PHKA2: variants seen among roughly 807,000 people sequenced by gnomAD.
The protein encoded by PHKA2 is phosphorylase kinase regulatory subunit alpha 2, also known as phosphorylase b kinase regulatory subunit alpha, liver isoform.
Under a neutral mutation model 102.0 loss-of-function variants are expected in PHKA2, and 31 were observed. The observed-to-expected ratio is 0.30, with a 90% CI of 0.23 to 0.41. PHKA2 has a LOEUF of 0.41. Among genes scored for constraint, PHKA2 ranks in the 10% least tolerant of loss-of-function variants. PHKA2 has a pLI of 1.00. For missense variants in PHKA2, 858 were observed against 1,023.1 expected (o/e 0.84, Z 2.20); for synonymous variants, 455 against 416.2 (o/e 1.09, Z -1.13).
chrX:18,892,495 T>C lies in PHKA2; in HGVS notation c.*990A>G, dbSNP rs1246617594. The C allele has an allele frequency of 8.9e-6, 1 of 111,904 alleles. No individual in the cohort carries two copies. Among genetic ancestry groups the C allele is most frequent in the Non-Finnish European group, 1.9e-5 (1 of 53,172 alleles). 9.2% of individuals were successfully genotyped at this position (111,904 alleles called of 1,213,427 possible). On this transcript the variant is annotated 3_prime_UTR_variant, in exon 33 of 33. Coordinates refer to ENST00000379942, the MANE Select transcript of PHKA2 (RefSeq NM_000292.3). ...CTCCAACTGCACCCACCCAAGAGAGTGAAGACCAAAGTGCTTCTACCAAGA... is the reference window on the plus strand; with the variant it reads ...CTCCAACTGCACCCACCCAAGAGAGCGAAGACCAAAGTGCTTCTACCAAGA...
chrX:18,897,287 G>A lies in PHKA2; in HGVS notation c.3158C>T (p.Ser1053Leu), dbSNP rs751392288. 8 of 1,210,750 alleles carry A rather than the reference G, an allele frequency of 6.6e-6. No homozygotes were observed. In the Admixed American group the frequency reaches 1.7e-4, roughly 26 times the overall value. Residue 1053 changes from serine to leucine, a missense_variant, in exon 30 of 33, where the codon TCG (serine) becomes TTG (leucine). By Grantham distance (145) the Ser-to-Leu change is moderately radical (BLOSUM62 -2). Around this residue, in one of 2 missense-constraint regions of PHKA2, gnomAD observed 671 missense variants for 745.2 expected, o/e 0.90. Coordinates refer to ENST00000379942, the MANE Select transcript of PHKA2 (RefSeq NM_000292.3). ...ACCCCAGCCGATGTGATGTCCTCCCGAGTCTGAGGATGACGTGCCAGTGGG... is the reference window on the plus strand; with the variant it reads ...ACCCCAGCCGATGTGATGTCCTCCCAAGTCTGAGGATGACGTGCCAGTGGG... ...SSPTGTSSSD[S>L]GGHHIGWGER...
At chrX:18,943,895 A>G (rs2048535601) in intron 6 of PHKA2, 87 bp from the exon 7 acceptor site, 2 of 654,920 alleles carry the variant, frequency 3.1e-6, no homozygotes, top group African/African-American at 4.3e-5. Flanking sequence ...GCAATCTAGT[A>G]TACATGTTTT....
chrX:18,973,460 C>T (rs766007514), intron 1 of PHKA2, among the ~76,000 whole-genome samples: 2 of 111,649 alleles, frequency 1.8e-5, no homozygotes, highest in African/African-American at 3.3e-5. Context: ...GGGGGATAAA[C>T]CACACCTGAT....
chrX:18,918,731 G>A lies in PHKA2; in HGVS notation c.2087C>T (p.Thr696Met), dbSNP rs759326764. 2.5e-6 allele frequency: 3 copies of A among 1,208,871 alleles called. No individual in the cohort carries two copies. The highest frequency in any genetic ancestry group is 3.5e-5 in the South Asian group (2 of 56,816). The change falls in exon 19 of 33, where the codon ACG becomes ATG. Residue 696 changes from threonine (T) to methionine (M), a missense_variant. By Grantham distance (81) the Thr-to-Met change is moderately conservative. This residue lies in a region of PHKA2 where 671 missense variants were observed against 745.2 expected (regional missense o/e 0.90). Coordinates refer to ENST00000379942, the MANE Select transcript of PHKA2 (RefSeq NM_000292.3). ...TGCCATCACAGAAAGTATGTCCCGC[G>A]TGGAGTGGATAGCACTGAAGACATG... Reference protein sequence around the residue: ...DRHVFSAIHSTRDILSVMAKA... With the variant: ...DRHVFSAIHSMRDILSVMAKA...
intron 1 of PHKA2, among the ~76,000 whole-genome samples, chrX:18,975,135 T>C (rs767101500): frequency 2.2e-3 from 243 of 111,575 alleles, no homozygotes; most frequent in Non-Finnish European, 4.1e-3. Flanking sequence ...TCATTTCTAC[T>C]TGGATACTGA....
At chrX:18,920,775 T>C (rs1316238002) in intron 17 of PHKA2, among the ~76,000 whole-genome samples, 7 of 111,844 alleles carry the variant, frequency 6.3e-5, no homozygotes, top group Admixed American at 1.9e-4. Flanking sequence ...CACTGAAACC[T>C]GGACGCTGGG....
rs771329811 is a variant in PHKA2, at chrX:18,893,342, A to G, written c.*143T>C. ...TTTAACATACATCAGTTTCAGGGTG[A>G]GTGCTACCATTGCCCCCCGAGAGTG... is the stretch of plus-strand genomic sequence containing the variant. On this transcript the variant is annotated 3_prime_UTR_variant, in exon 33 of 33. Coordinates refer to ENST00000379942, the MANE Select transcript of PHKA2 (RefSeq NM_000292.3). The G allele has an allele frequency of 1.5e-5, 9 of 592,273 alleles. No individual in the cohort carries two copies. In the South Asian group the frequency reaches 1.9e-4, roughly 12 times the overall value. The allele number at this position is 592,273 out of a possible 1,213,427, so 48.8% of individuals were successfully genotyped here.
intron 1 of PHKA2, among the ~76,000 whole-genome samples, chrX:18,977,629 CCT>C (rs926342688): frequency 9.0e-6 from 1 of 110,773 alleles, no homozygotes; most frequent in African/African-American, 3.3e-5. Flanking sequence ...GTGAATTAGC[CCT>C]CTGTCATCTA....
intron 19 of PHKA2, among the ~76,000 whole-genome samples, chrX:18,913,357 T>C (rs1045215771): frequency 1.8e-5 from 2 of 112,152 alleles, no homozygotes; most frequent in African/African-American, 6.5e-5. Flanking sequence ...AATCTGACTT[T>C]TGTAATAACA....
intron 1 of PHKA2, among the ~76,000 whole-genome samples, chrX:18,970,498 C>T (rs1054979588): frequency 8.9e-6 from 1 of 112,214 alleles, no homozygotes; most frequent in Non-Finnish European, 1.9e-5. Context: ...ATTTTAATGG[C>T]TATATAGTAT....
At chrX:18,898,786 C>T (rs1422011966) in intron 29 of PHKA2, among the ~76,000 whole-genome samples, 2 of 112,277 alleles carry the variant, frequency 1.8e-5, no homozygotes, top group Admixed American at 9.4e-5. Context: ...GAGCCCTGCA[C>T]GAGATCTGGG....
chrX:18,908,304 G>C (rs1328706215), intron 21 of PHKA2, among the ~76,000 whole-genome samples: 1 of 112,644 alleles, frequency 8.9e-6, no homozygotes, highest in African/African-American at 3.2e-5. Flanking sequence ...CAGAGAAGGG[G>C]ATGGAAGTCT....
At chrX:18,958,767 T>C (rs1002181316) in intron 1 of PHKA2, among the ~76,000 whole-genome samples, 2 of 110,057 alleles carry the variant, frequency 1.8e-5, no homozygotes, top group Admixed American at 9.7e-5. Context: ...TGGAGTGCAG[T>C]GGTGCAATCT....
At chrX:18,922,340 C>T (rs1324262360) in intron 17 of PHKA2, among the ~76,000 whole-genome samples, 2 of 112,095 alleles carry the variant, frequency 1.8e-5, no homozygotes, top group Non-Finnish European at 3.8e-5. Context: ...GTAACTGAAG[C>T]AAATTGGAGG....
chrX:18,943,395 T>C (rs999991874), intron 7 of PHKA2, among the ~76,000 whole-genome samples: 4 of 112,346 alleles, frequency 3.6e-5, no homozygotes, highest in African/African-American at 1.3e-4. Context: ...AAACCATCTA[T>C]GTGCTCAAAA....
chrX:18,894,107 AT>A, intron 32 of PHKA2, 96 bp downstream of exon 32: 1 of 818,337 alleles, frequency 1.2e-6, no homozygotes, highest in East Asian at 3.3e-5. Flanking sequence ...CTGTGATGAC[AT>A]TTTCTTGGTT....
intron 1 of PHKA2, among the ~76,000 whole-genome samples, chrX:18,971,851 C>A (rs968003934): frequency 8.9e-6 from 1 of 112,638 alleles, no homozygotes; most frequent in Admixed American, 9.4e-5. Flanking sequence ...TTGGCCAGGG[C>A]TGCAGTCATC....
At chrX:18,906,657 G>A (rs781072498) in intron 24 of PHKA2, 33 bp from the exon 25 acceptor site, 2 of 1,190,528 alleles carry the variant, frequency 1.7e-6, no homozygotes, top group East Asian at 3.0e-5. Flanking sequence ...TAGGGTTTCA[G>A]AGACAGGGTG....
chrX:18,896,539 G>A (rs1181754666), intron 30 of PHKA2: 1 of 115,582 alleles, frequency 8.7e-6, no homozygotes, highest in African/African-American at 3.2e-5. Flanking sequence ...TAAACTGGAA[G>A]CTCTCCACCT....
Sources: gnomAD v4.1 joint callset for allele counts (sites outside exome capture counted in the v4.1 genomes callset) on GRCh38, gnomAD v4.1.1 for gene constraint, gnomAD v4.1.1 regional missense constraint, MANE v1.5 for transcripts, NCBI Gene and HGNC (gene_info 2026-07-23, HGNC 2026-07-21) for gene names.